The following SFTPB variants were observed in gnomAD, a reference collection of about 807,000 sequenced individuals.
SFTPB encodes the protein surfactant protein B.
Under a neutral mutation model 51.0 loss-of-function variants are expected in SFTPB, and 32 were observed. That is an observed-to-expected ratio of 0.63 (90% CI 0.47 to 0.84). SFTPB has a LOEUF of 0.84. Ranked by LOEUF, SFTPB falls within the 40% of genes least tolerant of loss-of-function variation. The pLI is 0.00. For missense variants in SFTPB, 431 were observed against 491.2 expected, an observed-to-expected ratio of 0.88 and a Z score of 1.16; for synonymous variants, 211 against 208.5, an observed-to-expected ratio of 1.01 and a Z score of -0.10.
In SFTPB at chr2:85,663,319, A is replaced by G. The variant is rs746604188; in HGVS notation, c.1002+27T>C. The G allele has an allele frequency of 5.0e-6, 8 of 1,606,792 alleles. No homozygotes were observed. In the South Asian group the frequency reaches 6.6e-5, roughly 13 times the overall value. On this transcript the variant is annotated intron_variant, in intron 8 of 10. Coordinates refer to ENST00000519937, the MANE Select transcript of SFTPB (RefSeq NM_000542.5). ...CTTCTGCCTTGAACGGGCCCTGACC[A>G]TGAGTCCCCATGTGCCCAGCCCATA...
intron 8 of SFTPB, among the ~76,000 whole-genome samples, chr2:85,662,433 T>A (rs983609705): frequency 6.6e-6 from 1 of 152,192 alleles, no homozygotes; most frequent in Admixed American, 6.5e-5. Flanking sequence ...TGAGACCAGA[T>A]GTGATGGGCA....
chr2:85,663,289 T>G lies in SFTPB; in HGVS notation c.1002+57A>C. 4 of 1,600,438 alleles carry G rather than the reference T, an allele frequency of 2.5e-6. No homozygotes were observed. The South Asian group carries it at 4.4e-5, about 18-fold the overall frequency. ...TCTGGCTGCAAAGCCTTTCCTGGGC[T>G]CAGCCTTCTGCCTTGAACGGGCCCT... On this transcript the variant is annotated intron_variant, in intron 8 of 10. Transcript: ENST00000519937.
In SFTPB at chr2:85,659,185, G is replaced by A. The variant is rs1677174619; in HGVS notation, c.*517C>T. The A allele has an allele frequency of 6.6e-6, 1 of 152,162 alleles. No homozygotes were observed. The highest frequency in any genetic ancestry group is 2.4e-5 in the African/African-American group (1 of 41,430). 9.4% of individuals were successfully genotyped at this position (152,162 alleles called of 1,614,324 possible). On this transcript the variant is annotated 3_prime_UTR_variant, in exon 11 of 11. Transcript: ENST00000519937. The stretch of plus-strand genomic sequence containing the variant: ...GGGGAATTGCTGATTTTTTGAAAAA[G>A]CTTAACTTAACAATTTCTGATGTCT...
rs1283205794 is a variant in SFTPB at position 85,663,684 on chromosome 2, A to G, written c.836T>C (p.Met279Thr). The G allele has an allele frequency of 2.5e-6, 4 of 1,612,516 alleles. No homozygotes were observed. The highest frequency in any genetic ancestry group is 1.7e-5 in the Admixed American group (1 of 59,784). ...CTCACTTGGGCCAGCGCTGTCATCC[A>G]TGGAGCACCGGAGGACGAGGCGGCA... Reference protein sequence around the residue: ...LVCRLVLRCSMDDSAGPRSPT... With the variant: ...LVCRLVLRCSTDDSAGPRSPT... The change falls in exon 7 of 11, where the codon ATG (methionine) becomes ACG (threonine). Residue 279 changes from methionine (M) to threonine (T), a missense_variant. Coordinates refer to ENST00000519937, the MANE Select transcript of SFTPB (RefSeq NM_000542.5).
At chr2:85,661,148 AG>A (rs768014204) in intron 10 of SFTPB, 101 of 288,378 alleles carry the variant, frequency 3.5e-4, no homozygotes, top group Non-Finnish European at 5.4e-4. Context: ...AGGGCCAGAG[AG>A]TCCCTGGGGC....
rs368681670 is a variant in SFTPB at position 85,662,071 on chromosome 2, C to T, written c.1041G>A (p.Leu347=). 37 of 1,604,004 alleles carry T rather than the reference C, an allele frequency of 2.3e-5. No individual in the cohort carries two copies. Among genetic ancestry groups the T allele is most frequent in the Non-Finnish European group, 2.9e-5 (34 of 1,176,656 alleles). The change falls in exon 9 of 11, where the codon CTG becomes CTA. Residue 347 remains leucine (L), a synonymous_variant. Coordinates refer to ENST00000519937, the MANE Select transcript of SFTPB (RefSeq NM_000542.5). The part of the protein sequence containing the change: ...QFVEQHTPQL[L]TLVPRGWDAH... ...CATCCCAGCCCCTGGGCACCAGGGT[C>T]AGCAGCTGGGGCGTGTGCTGCTCCA...
Position 85,658,428 on chromosome 2 carries a change from C to T in SFTPB, c.*1274G>A, listed in dbSNP as rs1677143765. On this transcript the variant is annotated 3_prime_UTR_variant, in exon 11 of 11. Coordinates refer to ENST00000519937, the MANE Select transcript of SFTPB (RefSeq NM_000542.5). Reference sequence around the variant, plus strand: ...AGAGGAGCTATGGACGTCTGCTTCTCTGCCAAGGGAGAGAGTGAGGTAGGC... The same window carrying T: ...AGAGGAGCTATGGACGTCTGCTTCTTTGCCAAGGGAGAGAGTGAGGTAGGC... 1.3e-5 allele frequency: 2 copies of T among 152,408 alleles called. No homozygotes were observed. Among genetic ancestry groups the T allele is most frequent in the East Asian group, 3.9e-4 (2 of 5,184 alleles). The allele number at this position is 152,408 out of a possible 1,614,324, so 9.4% of individuals were successfully genotyped here.
chr2:85,662,329 G>C (rs1573470741), intron 8 of SFTPB: 1 of 1,395,260 alleles, frequency 7.2e-7, no homozygotes, highest in East Asian at 2.8e-5. Context: ...GGAGACGGAG[G>C]ACTCAGGCAG....
In SFTPB at chr2:85,659,458, G is replaced by A. The variant is rs1188756342; in HGVS notation, c.*244C>T. 6.6e-6 allele frequency: 1 copy of A among 152,266 alleles called. No homozygotes were observed. The highest frequency in any genetic ancestry group is 2.4e-5 in the African/African-American group (1 of 41,440). The allele number at this position is 152,266 out of a possible 1,614,324, so 9.4% of individuals were successfully genotyped here. A position where few individuals can be genotyped will look rare whatever the true frequency, so the allele number is the denominator to read the frequency against. On this transcript the variant is annotated 3_prime_UTR_variant, in exon 11 of 11. Transcript: ENST00000519937. Reference sequence around the variant, plus strand: ...GCCTCACACCAGAGAGGATGGAAGTGGGCTCTGGTGTCAGACTGTGGTTGA... The same window carrying A: ...GCCTCACACCAGAGAGGATGGAAGTAGGCTCTGGTGTCAGACTGTGGTTGA...
intron 7 of SFTPB, 61 bp downstream of exon 7, chr2:85,663,603 G>A (rs980271508): frequency 6.3e-7 from 1 of 1,593,624 alleles, no homozygotes; most frequent in Non-Finnish European, 8.5e-7. Context: ...GGGTCATGCA[G>A]TGGCAGGGTA....
At chr2:85,659,881 A>G (rs944149903) in intron 10 of SFTPB, among the ~76,000 whole-genome samples, 199 bp from the exon 11 acceptor site, 9 of 152,144 alleles carry the variant, frequency 5.9e-5, no homozygotes, top group Non-Finnish European at 1.2e-4. Context: ...CCACCCCCAG[A>G]TCCCCAGCTG....
intron 8 of SFTPB, 103 bp from the exon 9 acceptor site, chr2:85,662,212 C>T (rs1677342880): frequency 5.2e-6 from 8 of 1,540,386 alleles, no homozygotes; most frequent in African/African-American, 1.4e-5. Context: ...GGCTCCCTCC[C>T]GACTCCTCCA....
At chr2:85,667,372 C>T (rs1195655097) in intron 2 of SFTPB, among the ~76,000 whole-genome samples, 195 bp from the exon 3 acceptor site, 1 of 151,762 alleles carries the variant, frequency 6.6e-6, no homozygotes, top group East Asian at 1.9e-4. Context: ...CCAATCCATC[C>T]ATCTTTATTC....
At position 85,668,171 on chromosome 2, in the gene SFTPB, G is replaced by T; in HGVS notation, c.13C>A (p.His5Asn). 2.6e-6 allele frequency: 4 copies of T among 1,551,554 alleles called. No individual in the cohort carries two copies. The highest frequency in any genetic ancestry group is 2.6e-6 in the Non-Finnish European group (3 of 1,146,948). Residue 5 changes from histidine to asparagine, a missense_variant, in exon 1 of 11, where the codon CAC becomes AAC. Coordinates refer to ENST00000519937, the MANE Select transcript of SFTPB (RefSeq NM_000542.5). MAES[H>N]LLQWLLLLLP... is the part of the protein sequence containing the mutation. ...AGCAGCAGCAGCCACTGCAGCAGGT[G>T]TGACTCAGCCATGGCACCTCTGCAG...
intron 4 of SFTPB, 146 bp downstream of exon 4, chr2:85,666,467 GTGTT>G: frequency 4.1e-6 from 3 of 727,432 alleles, no homozygotes; most frequent in Non-Finnish European, 6.8e-6. Flanking sequence ...GGGGTGCTGT[GTGTT>G]TGTGTCTGGC....
chr2:85,662,233 C>A, intron 8 of SFTPB, 124 bp from the exon 9 acceptor site: 1 of 1,530,820 alleles, frequency 6.5e-7, no homozygotes, highest in Non-Finnish European at 8.8e-7. Context: ...TCAGCCCTCA[C>A]GGAACACCTC....
Position 85,665,738 on chromosome 2 carries a change from T to C in SFTPB, c.450A>G (p.Pro150=). ...LGLCKSRQPE[P]EQEPGMSDPL... is the part of the protein sequence containing the mutation. The stretch of plus-strand genomic sequence containing the variant: ...GGTCTGACATCCCTGGCTCCTGCTC[T>C]GGCTCTGGCTGCCGGGATTTGCACA... Residue 150 remains proline, a synonymous_variant, in exon 5 of 11, where the codon CCA becomes CCG. Transcript: ENST00000519937. 6.2e-7 allele frequency: 1 copy of C among 1,614,216 alleles called. No individual in the cohort carries two copies. Among genetic ancestry groups the C allele is most frequent in the South Asian group, 1.1e-5 (1 of 91,086 alleles).
In SFTPB at chr2:85,665,370, G is replaced by A. The variant is rs45530632; in HGVS notation, c.591C>T (p.Ser197=). The part of the protein sequence containing the change: ...ARPGPHTQDL[S]EQQFPIPLPY... ...GGAGAGGAATGGGGAATTGCTGCTC[G>A]GAGAGATCCTGGGGAAAGAATCAGG... The change falls in exon 6 of 11, where the codon TCC becomes TCT. Residue 197 remains serine, a synonymous_variant. Coordinates refer to ENST00000519937, the MANE Select transcript of SFTPB (RefSeq NM_000542.5). The A allele has an allele frequency of 1.5e-4, 237 of 1,613,752 alleles. No homozygotes were observed. The African/African-American group carries it at 2.5e-3, about 17-fold the overall frequency.
rs562675679 is a variant in SFTPB, at chr2:85,659,170, T to C, written c.*532A>G. 6.6e-6 allele frequency: 1 copy of C among 152,362 alleles called. No homozygotes were observed. Among genetic ancestry groups the C allele is most frequent in the East Asian group, 1.9e-4 (1 of 5,184 alleles). The allele number at this position is 152,362 out of a possible 1,614,324, so 9.4% of individuals were successfully genotyped here. The stretch of plus-strand genomic sequence containing the variant: ...ACCCTTGACTACGCTGGGGAATTGC[T>C]GATTTTTTGAAAAAGCTTAACTTAA... On this transcript the variant is annotated 3_prime_UTR_variant, in exon 11 of 11. Coordinates refer to ENST00000519937, the MANE Select transcript of SFTPB (RefSeq NM_000542.5).
Sources: allele counts gnomAD v4.1 joint callset (sites outside exome capture counted in the v4.1 genomes callset), GRCh38; gene constraint gnomAD v4.1.1; transcripts MANE v1.5; gene names NCBI Gene and HGNC (gene_info 2026-07-23, HGNC 2026-07-21).